Variants in PPIP5K2 observed in about 807,000 individuals in gnomAD.
PPIP5K2 encodes the protein diphosphoinositol pentakisphosphate kinase 2, also known as inositol hexakisphosphate and diphosphoinositol-pentakisphosphate kinase 2.
PPIP5K2 carries 105 observed loss-of-function variants against 154.6 expected under a neutral mutation model. The ratio of observed to expected loss-of-function variants is 0.68; its 90% confidence interval spans 0.58 to 0.80. The LOEUF (loss-of-function observed/expected upper bound fraction) is 0.80, where lower values mean the gene tolerates loss of function less well. Among genes scored for constraint, PPIP5K2 ranks in the 30% least tolerant of loss-of-function variants. PPIP5K2 has a pLI of 0.00. For synonymous variants in PPIP5K2, 480 were observed against 490.3 expected (o/e 0.98, Z 0.28); for missense variants, 992 against 1,504.6 (o/e 0.66, Z 5.64).
In PPIP5K2 at chr5:103,199,727, G is replaced by T. The variant is rs535768117; in HGVS notation, c.3620-1795G>T. ...TTTTACTTCTACTTTTCATTCTGTT[G>T]TTAAACCCATCTAGTTTTTATTTCA... On this transcript the variant is annotated intron_variant, in intron 30 of 30. Coordinates refer to ENST00000358359, the MANE Select transcript of PPIP5K2 (RefSeq NM_001276277.3). Among the ~76,000 whole-genome samples the T allele has an allele frequency of 3.4e-4, 52 of 151,396 alleles. 1 individual carries two copies. The South Asian group carries it at 0.01, about 30-fold the overall frequency.
At chr5:103,191,763 A>C (rs1414132806) in intron 29 of PPIP5K2, among the ~76,000 whole-genome samples, 1 of 152,102 alleles carries the variant, frequency 6.6e-6, no homozygotes, top group Non-Finnish European at 1.5e-5. Context: ...TGTCGTTTTC[A>C]GCTCTATAGG....
chr5:103,127,122 C>T (rs1478871527), intron 1 of PPIP5K2, among the ~76,000 whole-genome samples: 1 of 152,186 alleles, frequency 6.6e-6, no homozygotes, highest in Non-Finnish European at 1.5e-5. Context: ...AGCTTTACCT[C>T]TAAAACAGTA....
rs1218696708 is a variant in PPIP5K2, at chr5:103,158,225, A to C, written c.1527A>C (p.Leu509=). 6.2e-7 allele frequency: 1 copy of C among 1,613,782 alleles called. No homozygotes were observed. The highest frequency in any genetic ancestry group is 1.3e-5 in the African/African-American group (1 of 74,932). Residue 509 remains leucine, a synonymous_variant, in exon 15 of 31, where the codon CTA becomes CTC. Transcript: ENST00000358359. The part of the protein sequence containing the change: ...RREEPSLLLV[L]KWGGELTPAG... ...AAGAACCATCTTTACTTTTGGTTCTAAAATGGGGAGGTGAATTAACTCCTG... is the reference window on the plus strand; with the variant it reads ...AAGAACCATCTTTACTTTTGGTTCTCAAATGGGGAGGTGAATTAACTCCTG...
At chr5:103,198,049 ATTT>A (rs1264000455) in intron 30 of PPIP5K2, among the ~76,000 whole-genome samples, 1 of 151,964 alleles carries the variant, frequency 6.6e-6, no homozygotes, top group Non-Finnish European at 1.5e-5. Context: ...CCCTCTAAGC[ATTT>A]TAGTTGAGTC....
intron 19 of PPIP5K2, among the ~76,000 whole-genome samples, chr5:103,172,829 T>G (rs1481387994): frequency 6.6e-6 from 1 of 151,816 alleles, no homozygotes. Flanking sequence ...TTTGTGGCCT[T>G]AATCCACCTT....
At chr5:103,187,047 A>G (rs1368896919) in intron 27 of PPIP5K2, among the ~76,000 whole-genome samples, 5 of 152,098 alleles carry the variant, frequency 3.3e-5, no homozygotes, top group Admixed American at 1.3e-4. Flanking sequence ...TTATCAACAA[A>G]TTTATTTTAG....
intron 30 of PPIP5K2, among the ~76,000 whole-genome samples, chr5:103,200,497 A>G (rs1483936249): frequency 4.6e-5 from 7 of 151,630 alleles, no homozygotes; most frequent in African/African-American, 1.7e-4. Context: ...CCTCATATTT[A>G]GTACAGAGTG....
rs201085595 is a variant in PPIP5K2, at chr5:103,153,949, G to A, written c.1217+15G>A. 120 of 1,549,854 alleles carry A rather than the reference G, an allele frequency of 7.7e-5. No individual in the cohort carries two copies. In the East Asian group the frequency reaches 2.7e-3, roughly 35 times the overall value. On this transcript the variant is annotated intron_variant, in intron 11 of 30. Coordinates refer to ENST00000358359, the MANE Select transcript of PPIP5K2 (RefSeq NM_001276277.3). ...AGACATCAGAAGTATGTTTTCAGAT[G>A]AATAATTTAACATGCATGATACAAT...
chr5:103,138,207 A>C (rs187169907), intron 4 of PPIP5K2, among the ~76,000 whole-genome samples, 177 bp from the exon 5 acceptor site: 80 of 152,308 alleles, frequency 5.3e-4, no homozygotes, highest in African/African-American at 1.9e-3. Context: ...ATATTTCCTC[A>C]GAATACCTTT....
intron 1 of PPIP5K2, among the ~76,000 whole-genome samples, chr5:103,128,222 T>G (rs1382246698): frequency 7.9e-5 from 12 of 152,100 alleles, no homozygotes; most frequent in African/African-American, 1.9e-4. Context: ...GTTTGACTTT[T>G]AAGAATATTT....
rs568542386 is a variant in PPIP5K2 at position 103,206,100 on chromosome 5, A to G, written c.*4466A>G. ...TGTAACAATACTTTCCACTGCAAGTAGGAAAATTCCAATTGAAACTGGTTT... is the reference window on the plus strand; with the variant it reads ...TGTAACAATACTTTCCACTGCAAGTGGGAAAATTCCAATTGAAACTGGTTT... On this transcript the variant is annotated 3_prime_UTR_variant, in exon 31 of 31. Transcript: ENST00000358359. The G allele has an allele frequency of 5.9e-5, 9 of 152,352 alleles. No individual in the cohort carries two copies. The South Asian group carries it at 1.9e-3, about 32-fold the overall frequency. The allele number at this position is 152,352 out of a possible 1,614,324, so 9.4% of individuals were successfully genotyped here.
rs917507770 is a variant in PPIP5K2, at chr5:103,177,660, T to C, written c.2530-7T>C. On this transcript the variant is annotated splice_polypyrimidine_tract_variant and splice_region_variant and intron_variant, in intron 21 of 30. Transcript: ENST00000358359. ...GAAAATGATTACCACATGTATCTTT[T>C]GTTCAGGAATCAAAGGATGAACAGT... 2 of 1,583,948 alleles carry C rather than the reference T, an allele frequency of 1.3e-6. No individual in the cohort carries two copies. Among genetic ancestry groups the C allele is most frequent in the East Asian group, 4.5e-5 (2 of 44,584 alleles).
intron 5 of PPIP5K2, among the ~76,000 whole-genome samples, chr5:103,143,300 C>T (rs1320749936): frequency 1.3e-5 from 2 of 152,194 alleles, no homozygotes; most frequent in African/African-American, 2.4e-5. Flanking sequence ...AAGTGATTCT[C>T]GCACTTCAGC....
chr5:103,125,657 A>G (rs1340557241), intron 1 of PPIP5K2, among the ~76,000 whole-genome samples: 1 of 152,066 alleles, frequency 6.6e-6, no homozygotes, highest in African/African-American at 2.4e-5. Context: ...TGTTTGAGAC[A>G]GAGTCTCACT....
rs1803353282 is a variant in PPIP5K2, at chr5:103,204,161, C to T, written c.*2527C>T. On this transcript the variant is annotated 3_prime_UTR_variant, in exon 31 of 31. Transcript: ENST00000358359. ...CTAAATGTCCACTGTTAACTAGTGC[C>T]ATGCCAGTTTGAACCAAGATTTCAC... 6.6e-6 allele frequency: 1 copy of T among 152,186 alleles called. No individual in the cohort carries two copies. The highest frequency in any genetic ancestry group is 2.4e-5 in the African/African-American group (1 of 41,444). The allele number at this position is 152,186 out of a possible 1,614,324, so 9.4% of individuals were successfully genotyped here.
At chr5:103,142,223 G>A (rs1008799534) in intron 5 of PPIP5K2, among the ~76,000 whole-genome samples, 3 of 152,174 alleles carry the variant, frequency 2.0e-5, no homozygotes, top group South Asian at 4.1e-4. Flanking sequence ...GCGCAGCGCC[G>A]GTGGGCTGGC....
In PPIP5K2 at chr5:103,203,371, A is replaced by G. The variant is rs1554231319; in HGVS notation, c.*1737A>G. ...TATATTACTTTCCAAACTAGAAAGTACAGTACAACTAACTTTTTCCATTGT... is the reference window on the plus strand; with the variant it reads ...TATATTACTTTCCAAACTAGAAAGTGCAGTACAACTAACTTTTTCCATTGT... On this transcript the variant is annotated 3_prime_UTR_variant, in exon 31 of 31. Coordinates refer to ENST00000358359, the MANE Select transcript of PPIP5K2 (RefSeq NM_001276277.3). 6.6e-6 allele frequency: 1 copy of G among 152,218 alleles called. No homozygotes were observed. Among genetic ancestry groups the G allele is most frequent in the Non-Finnish European group, 1.5e-5 (1 of 68,030 alleles). The allele number at this position is 152,218 out of a possible 1,614,324, so 9.4% of individuals were successfully genotyped here. A position where few individuals can be genotyped will look rare whatever the true frequency, so the allele number is the denominator to read the frequency against.
intron 16 of PPIP5K2, 21 bp downstream of exon 16, chr5:103,158,594 G>A (rs782165417): frequency 6.5e-7 from 1 of 1,541,978 alleles, no homozygotes; most frequent in East Asian, 2.4e-5. Flanking sequence ...TTTTTTTTTA[G>A]AATTATTAGA....
chr5:103,124,685 A>C (rs1165369259), intron 1 of PPIP5K2, among the ~76,000 whole-genome samples: 3 of 152,220 alleles, frequency 2.0e-5, no homozygotes, highest in African/African-American at 7.2e-5. Context: ...ATATTAAGGC[A>C]TACCTAGAAA....
Sources: gnomAD v4.1 joint callset for allele counts (sites outside exome capture counted in the v4.1 genomes callset) on GRCh38, gnomAD v4.1.1 for gene constraint, MANE v1.5 for transcripts, NCBI Gene and HGNC (gene_info 2026-07-23, HGNC 2026-07-21) for gene names.